BLOC1S2: variants seen among roughly 807,000 people sequenced by gnomAD.
BLOC1S2 encodes the protein biogenesis of lysosomal organelles complex 1 subunit 2, also known as biogenesis of lysosome-related organelles complex 1 subunit 2.
A neutral mutation model predicts 19.6 loss-of-function variants in BLOC1S2; 12 were observed. That is an observed-to-expected ratio of 0.61 (90% CI 0.39 to 0.99). The LOEUF is 0.99. BLOC1S2 is among the 50% of genes least tolerant of loss of function. BLOC1S2 has a pLI of 0.00. For missense variants in BLOC1S2, 142 were observed against 171.0 expected, an observed-to-expected ratio of 0.83 and a Z score of 0.95; for synonymous variants, 66 against 64.1, an observed-to-expected ratio of 1.03 and a Z score of -0.14.
intron 2 of BLOC1S2, among the ~76,000 whole-genome samples, chr10:100,281,678 A>C: frequency 8.8e-6 from 1 of 113,262 alleles, no homozygotes. Context: ...GTGAGACTCC[A>C]TCTCAAAAAA....
chr10:100,279,019 CAAGGCT>C (rs1848027112), intron 4 of BLOC1S2, among the ~76,000 whole-genome samples: 1 of 151,732 alleles, frequency 6.6e-6, no homozygotes, highest in African/African-American at 2.4e-5. Flanking sequence ...CCCAGGAGTT[CAAGGCT>C]ACAGCGAGCT....
chr10:100,276,549 C>T (rs1405237933), intron 4 of BLOC1S2, among the ~76,000 whole-genome samples: 13 of 150,498 alleles, frequency 8.6e-5, no homozygotes, highest in African/African-American at 2.5e-4. Context: ...CCTCTCAAGC[C>T]GGGCCAAAGC....
chr10:100,275,855 A>C (rs1847835946), intron 4 of BLOC1S2, among the ~76,000 whole-genome samples: 1 of 152,222 alleles, frequency 6.6e-6, no homozygotes, highest in African/African-American at 2.4e-5. Context: ...ACCAGACTGG[A>C]ACCCTCAGGA....
chr10:100,286,645 G>A lies in BLOC1S2; in HGVS notation c.15C>T (p.Ala5=), dbSNP rs12250221. 1.9e-5 allele frequency: 31 copies of A among 1,609,642 alleles called. No individual in the cohort carries two copies. Among genetic ancestry groups the A allele is most frequent in the Non-Finnish European group, 2.5e-5 (29 of 1,178,318 alleles). MAAA[A]EGVLATRSDE... The stretch of plus-strand genomic sequence containing the variant: ...CACTCCGGGTCGCCAGTACGCCCTC[G>A]GCTGCCGCCGCCATAGCGGACCCCG... Residue 5 remains alanine (A), a synonymous_variant, in exon 1 of 5, where the codon GCC becomes GCT. Transcript: ENST00000370372.
At chr10:100,275,545 C>T (rs375874506) in intron 4 of BLOC1S2, 52 bp from the exon 5 acceptor site, 5 of 1,525,978 alleles carry the variant, frequency 3.3e-6, no homozygotes, top group Non-Finnish European at 4.5e-6. Context: ...CTTACAAAGA[C>T]AGTTTTTAGT....
rs1419582602 is a variant in BLOC1S2 at position 100,278,111 on chromosome 10, GGGC to G, written c.397+2010_397+2012del. Among the ~76,000 whole-genome samples, 11 of 119,310 alleles carry G rather than the reference GGGC, an allele frequency of 9.2e-5. 1 individual carries two copies. Among genetic ancestry groups the G allele is most frequent in the African/African-American group, 3.4e-4 (11 of 32,356 alleles). 78.3% of individuals were successfully genotyped at this position (119,310 alleles called of 152,430 possible). On this transcript the variant is annotated intron_variant, in intron 4 of 4. Coordinates refer to ENST00000370372, the MANE Select transcript of BLOC1S2 (RefSeq NM_173809.5). ...CGCTCCGTCCGGGAGGGAGGTGGGG[GGGC>G]GGTCAGCGCCCCCTCCCGGCCAGCC...
chr10:100,283,847 C>T (rs1292419333), intron 2 of BLOC1S2, among the ~76,000 whole-genome samples: 1 of 152,134 alleles, frequency 6.6e-6, no homozygotes, highest in Non-Finnish European at 1.5e-5. Flanking sequence ...TGCATTCCAG[C>T]CTGGGCAACA....
At chr10:100,286,054 C>T in intron 2 of BLOC1S2, 43 bp downstream of exon 2, 1 of 1,608,024 alleles carries the variant, frequency 6.2e-7, no homozygotes, top group Non-Finnish European at 8.5e-7. Flanking sequence ...TCCCAGGCCT[C>T]CTGGGCCAAA....
In BLOC1S2 at chr10:100,286,221, A is replaced by G; in HGVS notation, c.56-8T>C. 8 of 1,613,398 alleles carry G rather than the reference A, an allele frequency of 5.0e-6. No individual in the cohort carries two copies. Among genetic ancestry groups the G allele is most frequent in the Non-Finnish European group, 6.8e-6 (8 of 1,179,674 alleles). On this transcript the variant is annotated splice_polypyrimidine_tract_variant and splice_region_variant and intron_variant, in intron 1 of 4. Transcript: ENST00000370372. Reference sequence around the variant, plus strand: ...TCTCCACGGCGGCATCGTCTGGGCCAAGGGAGAATGACTAAGTGTCCCGCC... The same window carrying G: ...TCTCCACGGCGGCATCGTCTGGGCCGAGGGAGAATGACTAAGTGTCCCGCC...
chr10:100,286,281 TC>T, intron 1 of BLOC1S2, 68 bp from the exon 2 acceptor site: 2 of 1,555,040 alleles, frequency 1.3e-6, no homozygotes, highest in South Asian at 1.2e-5. Flanking sequence ...AGCAGCCTGT[TC>T]CGACATCCCT....
chr10:100,284,173 G>C (rs1589652798), intron 2 of BLOC1S2, among the ~76,000 whole-genome samples: 1 of 152,234 alleles, frequency 6.6e-6, no homozygotes, highest in African/African-American at 2.4e-5. Flanking sequence ...CCAGTAAAGG[G>C]AGAAAACAGA....
intron 4 of BLOC1S2, among the ~76,000 whole-genome samples, chr10:100,277,691 G>A (rs1329771055): frequency 2.2e-5 from 3 of 136,200 alleles, no homozygotes; most frequent in South Asian, 2.3e-4. Context: ...CAGCCGCCCC[G>A]TCCGGGAGGG....
intron 4 of BLOC1S2, among the ~76,000 whole-genome samples, chr10:100,278,544 T>C (rs911696165): frequency 1.3e-5 from 2 of 152,016 alleles, no homozygotes; most frequent in African/African-American, 4.8e-5. Flanking sequence ...CCCAACCCTG[T>C]GCTCTCTGAA....
chr10:100,280,373 G>T, intron 3 of BLOC1S2, 145 bp from the exon 4 acceptor site: 1 of 648,718 alleles, frequency 1.5e-6, no homozygotes, highest in Non-Finnish European at 2.5e-6. Flanking sequence ...GCACTAGCAG[G>T]GCAGATGCTT....
At chr10:100,283,541 C>G (rs1484023914) in intron 2 of BLOC1S2, among the ~76,000 whole-genome samples, 1 of 152,094 alleles carries the variant, frequency 6.6e-6, no homozygotes, top group South Asian at 2.1e-4. Context: ...TATCTACACT[C>G]TCATATTTAT....
At chr10:100,284,134 C>T (rs1848177369) in intron 2 of BLOC1S2, among the ~76,000 whole-genome samples, 1 of 152,224 alleles carries the variant, frequency 6.6e-6, no homozygotes, top group African/African-American at 2.4e-5. Flanking sequence ...CAGTAGAGAA[C>T]AGTGATCAAT....
At position 100,278,689 on chromosome 10, in the gene BLOC1S2, ACACT is replaced by A. The variant is rs1371553776; in HGVS notation, c.397+1431_397+1434del. 2.0e-5 allele frequency among the ~76,000 whole-genome samples: 3 copies of A among 152,356 alleles called. No individual in the cohort carries two copies. The East Asian group carries it at 5.8e-4, about 29-fold the overall frequency. On this transcript the variant is annotated intron_variant, in intron 4 of 4. Coordinates refer to ENST00000370372, the MANE Select transcript of BLOC1S2 (RefSeq NM_173809.5). ...TAATCTCAAGTACCCAGGGACACAA[ACACT>A]CTGCCTAGGAAAACCAGAGACCTTT...
intron 4 of BLOC1S2, among the ~76,000 whole-genome samples, chr10:100,277,273 C>A (rs1307915881): frequency 6.7e-6 from 1 of 149,988 alleles, no homozygotes; most frequent in East Asian, 2.0e-4. Context: ...CTGGCTGCCA[C>A]CCCGTCTGGG....
intron 2 of BLOC1S2, 57 bp downstream of exon 2, chr10:100,286,040 C>A (rs1848225906): frequency 1.9e-6 from 3 of 1,595,652 alleles, no homozygotes; most frequent in Non-Finnish European, 2.6e-6. Context: ...TGCTGCTAAC[C>A]ATCTCCCAGG....
Sources: gnomAD v4.1 joint callset for allele counts (sites outside exome capture counted in the v4.1 genomes callset) on GRCh38, gnomAD v4.1.1 for gene constraint, MANE v1.5 for transcripts, NCBI Gene and HGNC (gene_info 2026-07-23, HGNC 2026-07-21) for gene names.